CDCA8: variants seen among roughly 807,000 people sequenced by gnomAD.
The protein encoded by CDCA8 is cell division cycle associated 8, also known as borealin.
Under a neutral mutation model 40.0 loss-of-function variants are expected in CDCA8, and 25 were observed. The observed-to-expected ratio is 0.63, with a 90% CI of 0.46 to 0.87. CDCA8 has a LOEUF of 0.87. Among genes scored for constraint, CDCA8 ranks in the 40% least tolerant of loss-of-function variants. The pLI is 0.00. For missense variants in CDCA8, 280 were observed against 348.4 expected (o/e 0.80, Z 1.56); for synonymous variants, 111 against 126.5 (o/e 0.88, Z 0.82).
intron 2 of CDCA8, among the ~76,000 whole-genome samples, chr1:37,693,381 C>T (rs1213652620): frequency 6.6e-6 from 1 of 150,730 alleles, no homozygotes; most frequent in East Asian, 2.1e-4. Flanking sequence ...AATTTTCACA[C>T]ATCAGGAAAT....
Position 37,696,429 on chromosome 1 carries a change from G to T in CDCA8, c.264+479G>T, listed in dbSNP as rs1176789257. 6.6e-6 allele frequency among the ~76,000 whole-genome samples: 1 copy of T among 152,198 alleles called. No individual in the cohort carries two copies. Among genetic ancestry groups the T allele is most frequent in the African/African-American group, 2.4e-5 (1 of 41,444 alleles). ...AGAGCATTTAAAGCTGCACTGTCCA[G>T]TGTAGTAGCCACTGGGCATATGTAG... On this transcript the variant is annotated intron_variant, in intron 3 of 9. Transcript: ENST00000373055. The surrounding 1 kb of genome is among the most constrained non-coding windows in gnomAD (Gnocchi z 5.0).
At chr1:37,704,899 C>T (rs1377052805) in intron 7 of CDCA8, among the ~76,000 whole-genome samples, 2 of 151,550 alleles carry the variant, frequency 1.3e-5, no homozygotes, top group Non-Finnish European at 2.9e-5. Flanking sequence ...CCACCCCCCT[C>T]GGCCTCCCAA....
At chr1:37,703,397 A>C (rs768663130) in intron 7 of CDCA8, 50 bp downstream of exon 7, 2 of 1,306,696 alleles carry the variant, frequency 1.5e-6, no homozygotes, top group Non-Finnish European at 2.2e-6. Context: ...AACATTGAGC[A>C]CTACCCAGAG....
In CDCA8 at chr1:37,696,642, TCA is replaced by T. The variant is rs1244618173; in HGVS notation, c.264+695_264+696del. On this transcript the variant is annotated intron_variant, in intron 3 of 9. Coordinates refer to ENST00000373055, the MANE Select transcript of CDCA8 (RefSeq NM_001256875.2). This position sits in a 1 kb window ranked among gnomAD's most constrained non-coding sequence, Gnocchi z 5.0. ...TTGGGAACTAGTCCATACATGGGCT[TCA>T]CAGAGTCCCTAGGCACTCTAAAATA... 1.3e-5 allele frequency among the ~76,000 whole-genome samples: 2 copies of T among 152,234 alleles called. No homozygotes were observed. Among genetic ancestry groups the T allele is most frequent in the East Asian group, 3.8e-4 (2 of 5,200 alleles).
chr1:37,698,717 A>C, intron 3 of CDCA8, among the ~76,000 whole-genome samples, 188 bp from the exon 4 acceptor site: 1 of 152,080 alleles, frequency 6.6e-6, no homozygotes, highest in Middle Eastern at 3.2e-3. Context: ...GAAGCAAGTT[A>C]TTGGCAATGT....
chr1:37,702,615 T>C (rs934051172), intron 6 of CDCA8, among the ~76,000 whole-genome samples: 1 of 152,064 alleles, frequency 6.6e-6, no homozygotes. Flanking sequence ...GAATTCCAGC[T>C]GGGGGAGCCT....
Position 37,692,913 on chromosome 1 carries a change from C to A in CDCA8, c.103C>A (p.Arg35=), listed in dbSNP as rs753936003. The change falls in exon 2 of 10, where the codon CGA becomes AGA. Residue 35 remains arginine (R), a synonymous_variant. Coordinates refer to ENST00000373055, the MANE Select transcript of CDCA8 (RefSeq NM_001256875.2). ...LKDFDREVEI[R]IKQIESDRQN... is the part of the protein sequence containing the mutation. ...GCTCTGCCCTCCCGCAGTGGAAATA[C>A]GAATCAAGCAAATTGAGTCAGACAG... 1.2e-6 allele frequency: 2 copies of A among 1,614,030 alleles called. No homozygotes were observed. Among genetic ancestry groups the A allele is most frequent in the South Asian group, 2.2e-5 (2 of 91,076 alleles).
rs2148292501 is a variant in CDCA8, at chr1:37,709,236, A to G, written c.*870A>G. On this transcript the variant is annotated 3_prime_UTR_variant, in exon 10 of 10. Coordinates refer to ENST00000373055, the MANE Select transcript of CDCA8 (RefSeq NM_001256875.2). The stretch of plus-strand genomic sequence containing the variant: ...GCCACAGAATAACTGTCTCTAAGCT[A>G]TCCATGGTCCAGTGGTCCCTGCCAA... The G allele has an allele frequency of 6.6e-6, 1 of 152,324 alleles. No individual in the cohort carries two copies. The highest frequency in any genetic ancestry group is 2.4e-5 in the African/African-American group (1 of 41,578). The allele number at this position is 152,324 out of a possible 1,614,324, so 9.4% of individuals were successfully genotyped here. A position where few individuals can be genotyped will look rare whatever the true frequency, so the allele number is the denominator to read the frequency against.
At chr1:37,694,552 T>C (rs1286294879) in intron 2 of CDCA8, among the ~76,000 whole-genome samples, 1 of 152,270 alleles carries the variant, frequency 6.6e-6, no homozygotes, top group Non-Finnish European at 1.5e-5. Context: ...GTATAGGTAC[T>C]ACAAAGGAGA....
chr1:37,705,292 CAT>C, intron 7 of CDCA8, 147 bp from the exon 8 acceptor site: 1 of 653,554 alleles, frequency 1.5e-6, no homozygotes, highest in Admixed American at 2.8e-5. Context: ...TGCTTTAAAA[CAT>C]TTTTTTTTTC....
At position 37,701,776 on chromosome 1, in the gene CDCA8, A is replaced by C. The variant is rs1158918871; in HGVS notation, c.446A>C (p.Lys149Thr). ...CAGGTCAAAAGGTGTCCTCCATCCA[A>C]GAAGAGAACTCAGTCCATACAAGGA... ...TARVKRCPPS[K>T]KRTQSIQGKG... Residue 149 changes from lysine (K) to threonine (T), a missense_variant, in exon 6 of 10, where the codon AAG becomes ACG. Lys to Thr is a moderately conservative substitution (Grantham distance 78). Transcript: ENST00000373055. The C allele has an allele frequency of 6.2e-7, 1 of 1,613,644 alleles. No individual in the cohort carries two copies. Among genetic ancestry groups the C allele is most frequent in the South Asian group, 1.1e-5 (1 of 91,060 alleles).
intron 3 of CDCA8, 131 bp from the exon 4 acceptor site, chr1:37,698,774 G>C: frequency 3.1e-6 from 2 of 650,462 alleles, no homozygotes; most frequent in Non-Finnish European, 5.5e-6. Context: ...TTGCTATATT[G>C]TATATTGTAT....
Position 37,692,799 on chromosome 1 carries a change from C to G in CDCA8, c.94+15C>G. On this transcript the variant is annotated intron_variant, in intron 1 of 9. Transcript: ENST00000373055. ...CGACCGTGAAGGTAAGGGGCCAGGCCGTCGCGGCCTCCTGGGGCGGTCGCG... is the reference window on the plus strand; with the variant it reads ...CGACCGTGAAGGTAAGGGGCCAGGCGGTCGCGGCCTCCTGGGGCGGTCGCG... 1.2e-6 allele frequency: 2 copies of G among 1,613,024 alleles called. No individual in the cohort carries two copies. Among genetic ancestry groups the G allele is most frequent in the Non-Finnish European group, 1.7e-6 (2 of 1,179,300 alleles).
intron 8 of CDCA8, among the ~76,000 whole-genome samples, chr1:37,706,209 G>C (rs545684939): frequency 6.6e-6 from 1 of 151,158 alleles, no homozygotes; most frequent in Non-Finnish European, 1.5e-5. Flanking sequence ...CCAGGTTCAA[G>C]TGATTCTCCT....
At chr1:37,701,675 A>T in intron 5 of CDCA8, 79 bp from the exon 6 acceptor site, 6 of 731,720 alleles carry the variant, frequency 8.2e-6, no homozygotes, top group Non-Finnish European at 1.3e-5. Context: ...TAATGCTTTA[A>T]AAAAAAAAAA....
At chr1:37,704,494 C>T (rs1237381531) in intron 7 of CDCA8, among the ~76,000 whole-genome samples, 1 of 152,064 alleles carries the variant, frequency 6.6e-6, no homozygotes, top group African/African-American at 2.4e-5. Context: ...GCTGTATGAT[C>T]CCATTTGGTT....
At chr1:37,700,931 T>C (rs1364009052) in intron 5 of CDCA8, among the ~76,000 whole-genome samples, 2 of 152,190 alleles carry the variant, frequency 1.3e-5, no homozygotes, top group African/African-American at 4.8e-5. Flanking sequence ...GTGGCATGGT[T>C]GGTGGAGAAA....
Position 37,708,383 on chromosome 1 carries a change from G to A in CDCA8, c.*17G>A. 1 of 1,613,464 alleles carries A rather than the reference G, an allele frequency of 6.2e-7. No individual in the cohort carries two copies. Among genetic ancestry groups the A allele is most frequent in the Non-Finnish European group, 8.5e-7 (1 of 1,179,356 alleles). On this transcript the variant is annotated 3_prime_UTR_variant, in exon 10 of 10. Transcript: ENST00000373055. ...CACAAATGAGACACCAAAGTTGACA[G>A]GATGGACTTTTAATGGGCACTTCTG...
intron 8 of CDCA8, among the ~76,000 whole-genome samples, chr1:37,705,866 G>A (rs1198111268): frequency 6.8e-6 from 1 of 146,542 alleles, no homozygotes; most frequent in Admixed American, 6.9e-5. Context: ...CGGGAGTGCA[G>A]TGGTGCGATC....
Sources: gnomAD v4.1 joint callset for allele counts (sites outside exome capture counted in the v4.1 genomes callset) on GRCh38, gnomAD v4.1.1 for gene constraint, Gnocchi (gnomAD v3.1) non-coding constraint, MANE v1.5 for transcripts, NCBI Gene and HGNC (gene_info 2026-07-23, HGNC 2026-07-21) for gene names.